The following AKAP6 variants were observed in gnomAD, a reference collection of about 807,000 sequenced individuals.
AKAP6 encodes A-kinase anchoring protein 6, also known as A-kinase anchor protein 6.
A neutral mutation model predicts 188.5 loss-of-function variants in AKAP6; 58 were observed. The observed-to-expected ratio is 0.31, with a 90% confidence interval of 0.25 to 0.38. The LOEUF is 0.38. Ranked by LOEUF, AKAP6 falls within the 10% of genes least tolerant of loss-of-function variation. The probability of loss-of-function intolerance (pLI) is 1.00; values close to 1 mark genes in which losing one functional copy is unlikely to be tolerated. For synonymous variants in AKAP6, 989 were observed against 998.6 expected (o/e 0.99, Z 0.18); for missense variants, 2,710 against 2,740.0 (o/e 0.99, Z 0.24).
At chr14:32,567,906 T>C (rs1884274390) in intron 4 of AKAP6, among the ~76,000 whole-genome samples, 1 of 150,438 alleles carries the variant, frequency 6.6e-6, no homozygotes, top group Admixed American at 6.6e-5. Flanking sequence ...CTTTGAACTG[T>C]AGAAAAAAGA....
chr14:32,363,959 A>G (rs1887744220), intron 1 of AKAP6, among the ~76,000 whole-genome samples: 1 of 152,238 alleles, frequency 6.6e-6, no homozygotes, highest in South Asian at 2.1e-4. Context: ...GCAAGAAAGT[A>G]ATGGAAGGAG....
intron 2 of AKAP6, among the ~76,000 whole-genome samples, chr14:32,492,376 A>AGAGAGAGAGAGAGAGAGAGAGG (rs1880078263): frequency 6.8e-6 from 1 of 147,358 alleles, no homozygotes; most frequent in African/African-American, 2.5e-5. Flanking sequence ...AGAGAGAGAG[A>AGAGAGAGAGAGAGAGAGAGAGG]GAGAGAGGCA....
At chr14:32,810,303 T>C (rs1414666024) in intron 12 of AKAP6, among the ~76,000 whole-genome samples, 1 of 152,106 alleles carries the variant, frequency 6.6e-6, no homozygotes, top group Non-Finnish European at 1.5e-5. Context: ...AAATCCTTTT[T>C]CTCTATATTG....
At position 32,462,040 on chromosome 14, in the gene AKAP6, A is replaced by C. The variant is rs144938985; in HGVS notation, c.324+28223A>C. ...AGACAAGATTAGAGGAAAAAGAATG[A>C]AAAGGAATGAACAAAGCCTTCAAGA... is the stretch of plus-strand genomic sequence containing the variant. On this transcript the variant is annotated intron_variant, in intron 2 of 13. Coordinates refer to ENST00000280979, the MANE Select transcript of AKAP6 (RefSeq NM_004274.5). 1.5e-3 allele frequency among the ~76,000 whole-genome samples: 228 copies of C among 152,168 alleles called. 1 individual carries two copies. Among genetic ancestry groups the C allele is most frequent in the African/African-American group, 5.3e-3 (219 of 41,522 alleles).
At chr14:32,465,038 C>T (rs113951024) in intron 2 of AKAP6, among the ~76,000 whole-genome samples, 2,334 of 152,058 alleles carry the variant, frequency 0.015, 57 homozygotes, top group African/African-American at 0.053. Flanking sequence ...ACAAGGGATG[C>T]GAAGGACCTC....
At chr14:32,575,397 G>A (rs915757785) in intron 4 of AKAP6, among the ~76,000 whole-genome samples, 4 of 152,152 alleles carry the variant, frequency 2.6e-5, no homozygotes, top group Admixed American at 6.5e-5. Flanking sequence ...AACCTTCTCT[G>A]TTGGACATAT....
chr14:32,382,064 A>G (rs1186786452), intron 1 of AKAP6, among the ~76,000 whole-genome samples: 1 of 152,158 alleles, frequency 6.6e-6, no homozygotes, highest in Non-Finnish European at 1.5e-5. Context: ...TATCTGTGAA[A>G]AGGGGATTAG....
At chr14:32,629,412 C>CA (rs5807669) in intron 7 of AKAP6, among the ~76,000 whole-genome samples, 40,279 of 89,794 alleles carry the variant, frequency 0.45, 7,551 homozygotes, top group East Asian at 0.72. Flanking sequence ...GCGAGTTTCT[C>CA]AAAAAAAAAA....
chr14:32,801,203 GTTCT>G (rs767115973), intron 12 of AKAP6, among the ~76,000 whole-genome samples: 5 of 151,914 alleles, frequency 3.3e-5, no homozygotes, highest in Non-Finnish European at 5.9e-5. Context: ...CATTGCATTT[GTTCT>G]TTCTTTTTTC....
rs1246397855 is a variant in AKAP6, at chr14:32,822,789, T to C, written c.4976T>C (p.Leu1659Pro). 12 of 1,613,972 alleles carry C rather than the reference T, an allele frequency of 7.4e-6. No homozygotes were observed. The highest frequency in any genetic ancestry group is 2.2e-5 in the East Asian group (1 of 44,876). ...AAACGAAGTGTTTCTGATATCACTC[T>C]TCAAAGCAGTTCCCAAAAGATGTCC... is the stretch of plus-strand genomic sequence containing the variant. ...KIKRSVSDIT[L>P]QSSSQKMSFT... The change falls in exon 13 of 14, where the codon CTT becomes CCT. Residue 1659 changes from leucine (L) to proline (P), a missense_variant. Leu to Pro is a moderately conservative substitution (Grantham distance 98, BLOSUM62 -3). This residue lies in a region of AKAP6 where 2,473 missense variants were observed against 2,426.1 expected (regional missense o/e 1.02). Coordinates refer to ENST00000280979, the MANE Select transcript of AKAP6 (RefSeq NM_004274.5).
intron 1 of AKAP6, among the ~76,000 whole-genome samples, chr14:32,404,711 T>TATATATATATATATATATATATATA (rs1555325855): frequency 1.7e-3 from 212 of 128,308 alleles, no homozygotes; most frequent in Middle Eastern, 4.0e-3. Context: ...TATATATATA[T>TATATATATATATATATATATATATA]TAGTCAGAAT....
At chr14:32,600,283 C>T (rs1233190173) in intron 6 of AKAP6, among the ~76,000 whole-genome samples, 1 of 152,194 alleles carries the variant, frequency 6.6e-6, no homozygotes, top group African/African-American at 2.4e-5. Context: ...AGTCTCTACA[C>T]AGATACACAC....
intron 7 of AKAP6, among the ~76,000 whole-genome samples, chr14:32,607,646 G>A (rs1466124413): frequency 6.6e-6 from 1 of 152,062 alleles, no homozygotes; most frequent in Non-Finnish European, 1.5e-5. Flanking sequence ...TGTATTTTGG[G>A]CTATCTGAGA....
chr14:32,538,987 C>A (rs73269445), intron 3 of AKAP6, among the ~76,000 whole-genome samples: 20 of 152,130 alleles, frequency 1.3e-4, no homozygotes, highest in African/African-American at 4.8e-4. Context: ...TTCTTCCCTG[C>A]CTTTCTTCCT....
chr14:32,421,857 G>A (rs151289264), intron 1 of AKAP6, among the ~76,000 whole-genome samples: 3 of 152,288 alleles, frequency 2.0e-5, no homozygotes, highest in Admixed American at 1.3e-4. Context: ...CGACTGGAGG[G>A]TTAAGGAATT....
At chr14:32,650,896 A>C (rs1290235271) in intron 7 of AKAP6, among the ~76,000 whole-genome samples, 11 of 152,184 alleles carry the variant, frequency 7.2e-5, no homozygotes, top group Non-Finnish European at 1.6e-4. Context: ...TATTTTTATA[A>C]ATGTAGATTT....
chr14:32,570,449 G>A (rs1305771250), intron 4 of AKAP6, among the ~76,000 whole-genome samples: 3 of 151,808 alleles, frequency 2.0e-5, no homozygotes, highest in Non-Finnish European at 4.4e-5. Flanking sequence ...GCCCGTGTGG[G>A]GACTTTTAAA....
At chr14:32,368,399 G>C (rs1025342805) in intron 1 of AKAP6, among the ~76,000 whole-genome samples, 1 of 152,208 alleles carries the variant, frequency 6.6e-6, no homozygotes, top group African/African-American at 2.4e-5. Context: ...ACCAGAGTGA[G>C]AGACCAATAA....
intron 1 of AKAP6, among the ~76,000 whole-genome samples, chr14:32,348,931 A>G (rs1445096384): frequency 6.6e-6 from 1 of 152,148 alleles, no homozygotes; most frequent in Non-Finnish European, 1.5e-5. Context: ...CAGATCTCTC[A>G]GTACTCCCAT....
Sources: allele counts gnomAD v4.1 joint callset (sites outside exome capture counted in the v4.1 genomes callset), GRCh38; gene constraint gnomAD v4.1.1; regional missense constraint gnomAD v4.1.1; transcripts MANE v1.5; gene names NCBI Gene and HGNC (gene_info 2026-07-23, HGNC 2026-07-21).